The following FNBP1 variants were observed in gnomAD, a reference collection of about 807,000 sequenced individuals.
The protein encoded by FNBP1 is formin-binding protein 1.
FNBP1 carries 26 observed loss-of-function variants against 90.6 expected under a neutral mutation model. The observed-to-expected ratio is 0.29, with a 90% CI of 0.21 to 0.40. The LOEUF (loss-of-function observed/expected upper bound fraction) is 0.40, where lower values mean the gene tolerates loss of function less well. Ranked by LOEUF, FNBP1 falls within the 10% of genes least tolerant of loss-of-function variation. The pLI is 1.00. For missense variants in FNBP1, 635 were observed against 768.0 expected (o/e 0.83, Z 2.05); for synonymous variants, 260 against 265.2 (o/e 0.98, Z 0.19).
Position 130,042,687 on chromosome 9 carries a change from C to CA in FNBP1, c.24+264dup, listed in dbSNP as rs1206539231. Among the ~76,000 whole-genome samples, 1 of 151,728 alleles carries CA rather than the reference C, an allele frequency of 6.6e-6. No homozygotes were observed. On this transcript the variant is annotated intron_variant, in intron 1 of 16. Transcript: ENST00000446176. This position sits in a 1 kb window ranked among gnomAD's most constrained non-coding sequence, Gnocchi z 5.5. ...ACGGCCCGCTCCGGGGCGCCGGGGA[C>CA]AGGGAGGCCCGCCCGCGCCGTTCCT...
chr9:129,930,896 T>C (rs188125318), intron 6 of FNBP1, among the ~76,000 whole-genome samples: 52 of 152,344 alleles, frequency 3.4e-4, no homozygotes, highest in Admixed American at 2.5e-3. Context: ...CCTGGCAAAT[T>C]CACTGCAGTA....
chr9:130,025,931 GA>G (rs977930567), intron 1 of FNBP1, among the ~76,000 whole-genome samples: 6 of 151,438 alleles, frequency 4.0e-5, no homozygotes, highest in African/African-American at 1.2e-4. Flanking sequence ...CTCAAAAAAA[GA>G]AAAAAAAGAT....
At chr9:130,049,406 T>C in the FNBP1 span, among the ~76,000 whole-genome samples, 4 of 151,708 alleles carry the variant, frequency 2.6e-5, no homozygotes, top group Non-Finnish European at 5.9e-5. Flanking sequence ...ATAGAAATAA[T>C]GCTACTTCAA....
rs978707318 is a variant in FNBP1, at chr9:129,957,266, G to A, written c.513+94C>T. On this transcript the variant is annotated intron_variant, in intron 6 of 16. Transcript: ENST00000446176. The surrounding 1 kb of genome is among the most constrained non-coding windows in gnomAD (Gnocchi z 4.3). ...TTGGCCAGGCTGGTCTCGAACTCCT[G>A]GCCTCAGGTGATCCGCTCACCTCAG... 21 of 854,018 alleles carry A rather than the reference G, an allele frequency of 2.5e-5. No homozygotes were observed. The African/African-American group carries it at 2.9e-4, about 12-fold the overall frequency. The allele number at this position is 854,018 out of a possible 1,614,324, so 52.9% of individuals were successfully genotyped here.
intron 12 of FNBP1, 47 bp downstream of exon 12, chr9:129,908,843 T>G (rs1170630940): frequency 1.5e-6 from 2 of 1,301,666 alleles, no homozygotes; most frequent in South Asian, 1.2e-5. Context: ...TGTGAGCCAC[T>G]GCGCCTGGCC....
Position 130,041,004 on chromosome 9 carries a change from C to CA in FNBP1, c.24+1947_24+1948insT, listed in dbSNP as rs71499209. Among the ~76,000 whole-genome samples the CA allele has an allele frequency of 7.4e-6, 1 of 134,692 alleles. No individual in the cohort carries two copies. Among genetic ancestry groups the CA allele is most frequent in the Admixed American group, 7.5e-5 (1 of 13,286 alleles). The allele number at this position is 134,692 out of a possible 152,430, so 88.4% of individuals were successfully genotyped here. On this transcript the variant is annotated intron_variant, in intron 1 of 16. Transcript: ENST00000446176. The surrounding 1 kb of genome is among the most constrained non-coding windows in gnomAD (Gnocchi z 4.3). ...TTTTTTCTTTTTTCTTTTTTCTTTT[C>CA]TTTTTTTTTTTTTTAAGAGGAGGCC...
At chr9:130,016,341 C>T (rs1390027369) in intron 1 of FNBP1, among the ~76,000 whole-genome samples, 2 of 152,138 alleles carry the variant, frequency 1.3e-5, no homozygotes, top group East Asian at 1.9e-4. Flanking sequence ...GTGCTCTTGG[C>T]ATTGTTCAGG....
At position 130,042,684 on chromosome 9, in the gene FNBP1, G is replaced by A. The variant is rs1482429277; in HGVS notation, c.24+268C>T. Among the ~76,000 whole-genome samples the A allele has an allele frequency of 6.6e-6, 1 of 151,720 alleles. No individual in the cohort carries two copies. Among genetic ancestry groups the A allele is most frequent in the Non-Finnish European group, 1.5e-5 (1 of 67,864 alleles). On this transcript the variant is annotated intron_variant, in intron 1 of 16. Coordinates refer to ENST00000446176, the MANE Select transcript of FNBP1 (RefSeq NM_015033.3). This position sits in a 1 kb window ranked among gnomAD's most constrained non-coding sequence, Gnocchi z 5.5. ...CACACGGCCCGCTCCGGGGCGCCGG[G>A]GACAGGGAGGCCCGCCCGCGCCGTT...
intron 6 of FNBP1, 79 bp from the exon 7 acceptor site, chr9:129,929,774 C>T: frequency 7.2e-7 from 1 of 1,385,532 alleles, no homozygotes; most frequent in Non-Finnish European, 1.0e-6. Context: ...AAGCCTAGAA[C>T]TGCACACTGG....
intron 15 of FNBP1, among the ~76,000 whole-genome samples, chr9:129,897,355 C>T (rs1383428278): frequency 2.0e-5 from 3 of 152,090 alleles, no homozygotes; most frequent in Non-Finnish European, 4.4e-5. Flanking sequence ...GTTAACAGGG[C>T]AACAGGGTAC....
chr9:129,908,486 TG>T (rs2131525909), intron 12 of FNBP1, among the ~76,000 whole-genome samples: 1 of 147,476 alleles, frequency 6.8e-6, no homozygotes, highest in African/African-American at 2.5e-5. Context: ...ATTACAGGTG[TG>T]AACCACCATG....
intron 7 of FNBP1, among the ~76,000 whole-genome samples, chr9:129,928,409 A>C (rs984224476): frequency 6.6e-6 from 1 of 152,258 alleles, no homozygotes; most frequent in Non-Finnish European, 1.5e-5. Flanking sequence ...CTGTAATCCC[A>C]GCACTTTGGG....
intron 1 of FNBP1, among the ~76,000 whole-genome samples, chr9:130,015,184 A>G (rs547478828): frequency 1.3e-5 from 2 of 152,314 alleles, no homozygotes; most frequent in Non-Finnish European, 2.9e-5. Flanking sequence ...TTTATTGAGC[A>G]CTTACTATGC....
chr9:130,011,215 C>CAAAAAAAA (rs1192541205), intron 1 of FNBP1, among the ~76,000 whole-genome samples: 3 of 13,418 alleles, frequency 2.2e-4, no homozygotes, highest in Admixed American at 1.7e-3. Context: ...GACTCCATCT[C>CAAAAAAAA]AAAAAAAAAA....
intron 2 of FNBP1, among the ~76,000 whole-genome samples, chr9:129,989,978 A>T (rs2052868413): frequency 6.6e-6 from 1 of 151,736 alleles, no homozygotes; most frequent in Non-Finnish European, 1.5e-5. Context: ...GTGAGCCAAG[A>T]TCGTGCCACT....
the FNBP1 span, among the ~76,000 whole-genome samples, chr9:130,048,267 G>A: frequency 2.4e-5 from 3 of 126,084 alleles, no homozygotes. Context: ...AGTGAGCCGC[G>A]ATCGCGCCAC....
chr9:129,988,872 C>T (rs79535844), intron 2 of FNBP1, among the ~76,000 whole-genome samples: 8 of 152,042 alleles, frequency 5.3e-5, no homozygotes, highest in Non-Finnish European at 5.9e-5. Context: ...CAAAGTCTCA[C>T]GTTTATGTCT....
chr9:129,910,993 G>A (rs2039174036), intron 11 of FNBP1, among the ~76,000 whole-genome samples: 1 of 152,060 alleles, frequency 6.6e-6, no homozygotes, highest in Non-Finnish European at 1.5e-5. Context: ...ATAAAGACTT[G>A]TTTTCCGTAT....
chr9:129,968,045 G>A (rs1269537959), intron 4 of FNBP1, among the ~76,000 whole-genome samples: 1 of 151,476 alleles, frequency 6.6e-6, no homozygotes, highest in Non-Finnish European at 1.5e-5. Context: ...AACAACCACA[G>A]TGGTGAAAGG....
Sources: allele counts gnomAD v4.1 joint callset (sites outside exome capture counted in the v4.1 genomes callset), GRCh38; gene constraint gnomAD v4.1.1; non-coding constraint Gnocchi (gnomAD v3.1); transcripts MANE v1.5; gene names NCBI Gene and HGNC (gene_info 2026-07-23, HGNC 2026-07-21).